The following APLF variants were observed in gnomAD, a reference collection of about 807,000 sequenced individuals.
The protein encoded by APLF is aprataxin and PNKP like factor.
In APLF, 61 loss-of-function variants were observed where a neutral mutation model predicts 55.6. The observed-to-expected ratio is 1.10, with a 90% CI of 0.89 to 1.36. APLF has a LOEUF of 1.36. APLF is among the 40% of genes most tolerant of loss of function. The probability of loss-of-function intolerance (pLI) is 0.00; values close to 1 mark genes in which losing one functional copy is unlikely to be tolerated. For missense variants in APLF, 611 were observed against 602.5 expected, an observed-to-expected ratio of 1.01 and a Z score of -0.15; for synonymous variants, 207 against 214.8, an observed-to-expected ratio of 0.96 and a Z score of 0.32.
chr2:68,579,053 G>C lies in APLF; in HGVS notation c.*1031G>C. 3.0e-6 allele frequency: 3 copies of C among 984,606 alleles called. No individual in the cohort carries two copies. The highest frequency in any genetic ancestry group is 3.6e-6 in the Non-Finnish European group (3 of 829,252). The allele number at this position is 984,606 out of a possible 1,614,324, so 61.0% of individuals were successfully genotyped here. On this transcript the variant is annotated 3_prime_UTR_variant, in exon 10 of 10. Coordinates refer to ENST00000303795, the MANE Select transcript of APLF (RefSeq NM_173545.3). Reference sequence around the variant, plus strand: ...ACAGTTGGGTTGTGTACACAGAGCAGGAGATATTTATTGAAATCATAAATC... The same window carrying C: ...ACAGTTGGGTTGTGTACACAGAGCACGAGATATTTATTGAAATCATAAATC...
At chr2:68,530,657 C>T (rs1415225542) in intron 6 of APLF, among the ~76,000 whole-genome samples, 2 of 152,138 alleles carry the variant, frequency 1.3e-5, no homozygotes, top group Non-Finnish European at 2.9e-5. Context: ...ATATGATAAA[C>T]ATAATTTGGT....
chr2:68,494,534 G>A (rs552453911), intron 2 of APLF, among the ~76,000 whole-genome samples: 1 of 151,992 alleles, frequency 6.6e-6, no homozygotes, highest in East Asian at 1.9e-4. Context: ...CGTACAGGGT[G>A]TGCAGGTTTA....
At chr2:68,511,693 G>A (rs1669375419) in intron 3 of APLF, among the ~76,000 whole-genome samples, 1 of 151,678 alleles carries the variant, frequency 6.6e-6, no homozygotes, top group African/African-American at 2.4e-5. Context: ...AAGTACACCT[G>A]TAACCTGTGA....
intron 6 of APLF, among the ~76,000 whole-genome samples, chr2:68,530,483 A>G (rs1670224032): frequency 6.6e-6 from 1 of 152,168 alleles, no homozygotes; most frequent in African/African-American, 2.4e-5. Flanking sequence ...GGATCCAAGT[A>G]TGTAAAGATT....
chr2:68,547,748 T>A (rs1489096003), intron 8 of APLF, among the ~76,000 whole-genome samples: 1 of 149,226 alleles, frequency 6.7e-6, no homozygotes, highest in Non-Finnish European at 1.5e-5. Context: ...TATAGCTTTA[T>A]TTTTTTTTGT....
At chr2:68,503,049 T>A in intron 3 of APLF, 146 bp downstream of exon 3, 1 of 751,492 alleles carries the variant, frequency 1.3e-6, no homozygotes, top group East Asian at 3.1e-5. Context: ...TGTGTGTGCA[T>A]GCCTTTGCAT....
At chr2:68,576,032 G>C (rs1198720918) in intron 9 of APLF, among the ~76,000 whole-genome samples, 1 of 152,082 alleles carries the variant, frequency 6.6e-6, no homozygotes, top group Non-Finnish European at 1.5e-5. Context: ...AACTGAGAAG[G>C]AGCAGCCAAT....
chr2:68,539,219 G>A (rs1272916860), intron 7 of APLF, among the ~76,000 whole-genome samples: 1 of 152,168 alleles, frequency 6.6e-6, no homozygotes, highest in Non-Finnish European at 1.5e-5. Context: ...TTGCAGAATG[G>A]AAGTATATAT....
At chr2:68,493,685 T>C (rs777827183) in intron 2 of APLF, among the ~76,000 whole-genome samples, 2 of 152,184 alleles carry the variant, frequency 1.3e-5, no homozygotes, top group Non-Finnish European at 2.9e-5. Flanking sequence ...AGATTTAGTC[T>C]GTGTGCTGTG....
intron 8 of APLF, among the ~76,000 whole-genome samples, chr2:68,562,494 T>C (rs1409914607): frequency 6.6e-6 from 1 of 152,006 alleles, no homozygotes; most frequent in African/African-American, 2.4e-5. Flanking sequence ...TGCATACATG[T>C]GCAAGTGTGT....
At chr2:68,518,428 A>G (rs913307305) in intron 5 of APLF, among the ~76,000 whole-genome samples, 20 of 112,606 alleles carry the variant, frequency 1.8e-4, no homozygotes, top group Admixed American at 3.4e-4. Context: ...ATAATAATTT[A>G]TTATATAATA....
chr2:68,518,794 T>C (rs1324092290), intron 5 of APLF, among the ~76,000 whole-genome samples: 3 of 19,508 alleles, frequency 1.5e-4, no homozygotes, highest in African/African-American at 4.8e-4. Context: ...AATAAAATAT[T>C]AATAATCTAT....
At chr2:68,498,336 C>T (rs1330603720) in intron 2 of APLF, among the ~76,000 whole-genome samples, 4 of 152,200 alleles carry the variant, frequency 2.6e-5, no homozygotes, top group African/African-American at 7.2e-5. Flanking sequence ...ATGATCCCTT[C>T]TGTATACTGC....
At chr2:68,478,869 A>G (rs1370862225) in intron 1 of APLF, among the ~76,000 whole-genome samples, 2 of 152,190 alleles carry the variant, frequency 1.3e-5, no homozygotes, top group Admixed American at 1.3e-4. Flanking sequence ...AAAGGTGCTA[A>G]CCCCTGAGAC....
rs781240968 is a variant in APLF at position 68,526,257 on chromosome 2, T to A, written c.804+15T>A. The A allele has an allele frequency of 1.3e-5, 20 of 1,594,980 alleles. No individual in the cohort carries two copies. The Admixed American group carries it at 2.2e-4, about 17-fold the overall frequency. On this transcript the variant is annotated intron_variant, in intron 6 of 9. Transcript: ENST00000303795. ...TTTCATCCAAGGTGATTTTAAAAAA[T>A]TCATTATTTGATTGTTTTTTTGTTA... is the stretch of plus-strand genomic sequence containing the variant.
At chr2:68,511,555 A>G (rs1490093255) in intron 3 of APLF, among the ~76,000 whole-genome samples, 1 of 151,734 alleles carries the variant, frequency 6.6e-6, no homozygotes, top group African/African-American at 2.4e-5. Context: ...ATAAACTAGA[A>G]ATGGAATTGA....
At chr2:68,518,798 A>AACAT (rs1558539938) in intron 5 of APLF, among the ~76,000 whole-genome samples, 4 of 20,648 alleles carry the variant, frequency 1.9e-4, no homozygotes, top group African/African-American at 9.0e-4. Flanking sequence ...AAATATTAAT[A>AACAT]ATCTATCATA....
At position 68,468,502 on chromosome 2, in the gene APLF, A is replaced by G. The variant is rs376044613; in HGVS notation, c.96+675A>G. ...TCAGTTAGCTATTTTTATTATCCTC[A>G]TTGTTCAGATGAGAAAATTGAGCCA... On this transcript the variant is annotated intron_variant, in intron 1 of 9. Coordinates refer to ENST00000303795, the MANE Select transcript of APLF (RefSeq NM_173545.3). Among the ~76,000 whole-genome samples the G allele has an allele frequency of 3.9e-5, 6 of 152,168 alleles. No homozygotes were observed. In the East Asian group the frequency reaches 1.2e-3, roughly 29 times the overall value.
At chr2:68,519,103 ATAAT>A (rs1323607345) in intron 5 of APLF, among the ~76,000 whole-genome samples, 12 of 113,438 alleles carry the variant, frequency 1.1e-4, no homozygotes, top group African/African-American at 3.1e-4. Context: ...ATATAATAAT[ATAAT>A]ATATAATATA....
Sources: gnomAD v4.1 joint callset for allele counts (sites outside exome capture counted in the v4.1 genomes callset) on GRCh38, gnomAD v4.1.1 for gene constraint, MANE v1.5 for transcripts, NCBI Gene and HGNC (gene_info 2026-07-23, HGNC 2026-07-21) for gene names.